The following AANAT variants were observed in gnomAD, a reference collection of about 807,000 sequenced individuals.
AANAT encodes the protein serotonin N-acetyltransferase.
Under a neutral mutation model 15.6 loss-of-function variants are expected in AANAT, and 11 were observed. The ratio of observed to expected loss-of-function variants is 0.71; its 90% CI spans 0.44 to 1.17. AANAT has a LOEUF of 1.17. Ranked by LOEUF, AANAT falls within the 50% of genes most tolerant of loss-of-function variation. The pLI, the probability that AANAT is intolerant of heterozygous loss-of-function variation, is 0.00. For missense variants in AANAT, 286 were observed against 296.3 expected, an observed-to-expected ratio of 0.97 and a Z score of 0.26; for synonymous variants, 139 against 131.5, an observed-to-expected ratio of 1.06 and a Z score of -0.39.
upstream of AANAT, among the ~76,000 whole-genome samples, chr17:76,464,691 C>A (rs2073420207): frequency 6.6e-6 from 1 of 151,910 alleles, no homozygotes. Context: ...GCATGAGCCA[C>A]GACGTCAAGC....
chr17:76,456,644 T>C (rs1355646546), intron 1 of AANAT, among the ~76,000 whole-genome samples: 3 of 152,198 alleles, frequency 2.0e-5, no homozygotes, highest in Non-Finnish European at 4.4e-5. Flanking sequence ...CCCTCTCCTG[T>C]AGAGACCTGG....
rs754020581 is a variant in AANAT at position 76,469,365 on chromosome 17, C to A, written c.318+38C>A. On this transcript the variant is annotated intron_variant, in intron 3 of 3. Transcript: ENST00000392492. This position sits in a 1 kb window ranked among gnomAD's most constrained non-coding sequence, Gnocchi z 5.2. ...CTGCGACGCCCAGCTCCAGGGAGGC[C>A]TCTGAAGACAGAGGTCAGCCAGATG... 4 of 1,610,888 alleles carry A rather than the reference C, an allele frequency of 2.5e-6. No homozygotes were observed. The highest frequency in any genetic ancestry group is 3.4e-6 in the Non-Finnish European group (4 of 1,178,774).
upstream of AANAT, among the ~76,000 whole-genome samples, chr17:76,465,510 AT>A (rs2073428795): frequency 6.6e-6 from 1 of 151,466 alleles, no homozygotes; most frequent in Non-Finnish European, 1.5e-5. Context: ...TGATTTTTAA[AT>A]TTTTTGTAGA....
chr17:76,463,598 G>C (rs60337156), upstream of AANAT, among the ~76,000 whole-genome samples: 5,946 of 152,054 alleles, frequency 0.039, 123 homozygotes, highest in Non-Finnish European at 0.05. Flanking sequence ...GTGAGCCACC[G>C]TGCCCGGCCT....
Position 76,469,558 on chromosome 17 carries a change from TGACCACAGGCACCCAGGG to T in AANAT, c.319-103_319-86del, listed in dbSNP as rs1300531373. The T allele has an allele frequency of 7.5e-7, 1 of 1,330,808 alleles. No individual in the cohort carries two copies. The highest frequency in any genetic ancestry group is 9.9e-7 in the Non-Finnish European group (1 of 1,006,176). The allele number at this position is 1,330,808 out of a possible 1,614,324, so 82.4% of individuals were successfully genotyped here. On this transcript the variant is annotated intron_variant, in intron 3 of 3. Coordinates refer to ENST00000392492, the MANE Select transcript of AANAT (RefSeq NM_001088.3). The surrounding 1 kb of genome is among the most constrained non-coding windows in gnomAD (Gnocchi z 5.2). The stretch of plus-strand genomic sequence containing the variant: ...CCCTCCTTTGCTGGGGTGGGTGCCC[TGACCACAGGCACCCAGGG>T]GACACCTGCTCCCTGCCTGGGTTGG...
chr17:76,468,826 A>G lies in AANAT; in HGVS notation c.80A>G (p.Gln27Arg). The change falls in exon 2 of 4, where the codon CAG becomes CGG. Residue 27 changes from glutamine (Q) to arginine (R), a missense_variant. By Grantham distance (43) the Gln-to-Arg change is conservative. Coordinates refer to ENST00000392492, the MANE Select transcript of AANAT (RefSeq NM_001088.3). Reference sequence around the variant, plus strand: ...GGGATCCCCGAGTCCCCGAGCTGTCAGCGGCGCCACACACTCCCTGCCAGT... The same window carrying G: ...GGGATCCCCGAGTCCCCGAGCTGTCGGCGGCGCCACACACTCCCTGCCAGT... ...PPGIPESPSCQRRHTLPASEF... is the reference protein window; with the variant it reads ...PPGIPESPSCRRRHTLPASEF... 1.2e-6 allele frequency: 2 copies of G among 1,613,526 alleles called. No individual in the cohort carries two copies. Among genetic ancestry groups the G allele is most frequent in the Non-Finnish European group, 1.7e-6 (2 of 1,179,958 alleles).
rs150357567 is a variant in AANAT, at chr17:76,469,729, G to A, written c.383G>A (p.Arg128His). Residue 128 changes from arginine to histidine, a missense_variant, in exon 4 of 4, where the codon CGC becomes CAC. Transcript: ENST00000392492. The surrounding 1 kb of genome is among the most constrained non-coding windows in gnomAD (Gnocchi z 5.2). ...CACCTGCATGTGCTGGCCGTGCACC[G>A]CGCCTTCCGGCAGCAGGGCAGGGGC... Reference protein sequence around the residue: ...IAHLHVLAVHRAFRQQGRGPI... With the variant: ...IAHLHVLAVHHAFRQQGRGPI... 107 of 1,553,430 alleles carry A rather than the reference G, an allele frequency of 6.9e-5. No homozygotes were observed. The African/African-American group carries it at 1.0e-3, about 15-fold the overall frequency.
At chr17:76,464,861 T>C (rs1008598667), upstream of AANAT, among the ~76,000 whole-genome samples, 3 of 151,712 alleles carry the variant, frequency 2.0e-5, no homozygotes, top group African/African-American at 7.3e-5. Flanking sequence ...AATGGCACGA[T>C]CTTGGCTCAC....
In AANAT at chr17:76,469,670, A is replaced by C; in HGVS notation, c.324A>C (p.Ser108=). 1 of 1,488,056 alleles carries C rather than the reference A, an allele frequency of 6.7e-7. No homozygotes were observed. Among genetic ancestry groups the C allele is most frequent in the Non-Finnish European group, 8.9e-7 (1 of 1,120,436 alleles). 92.2% of individuals were successfully genotyped at this position (1,488,056 alleles called of 1,614,324 possible). A position where few individuals can be genotyped will look rare whatever the true frequency, so the allele number is the denominator to read the frequency against. Residue 108 remains serine (S), a synonymous_variant, in exon 4 of 4, where the codon TCA becomes TCC. Transcript: ENST00000392492. This position sits in a 1 kb window ranked among gnomAD's most constrained non-coding sequence, Gnocchi z 5.2. ...CATCCCTTGCTCGCTCCCAGGAGTC[A>C]CTGACGCTGCACAGGTCTGGGGGCC... ...LWDKERLMQE[S]LTLHRSGGHI...
chr17:76,456,286 G>A (rs1352956800), intron 1 of AANAT, among the ~76,000 whole-genome samples: 7 of 148,996 alleles, frequency 4.7e-5, no homozygotes, highest in Non-Finnish European at 7.4e-5. Context: ...AGCCAAGATC[G>A]AGCCATTGAA....
chr17:76,468,966 G>A, intron 2 of AANAT, 57 bp downstream of exon 2: 1 of 1,568,100 alleles, frequency 6.4e-7, no homozygotes, highest in Admixed American at 1.7e-5. Context: ...GTTATCCTGT[G>A]GGGAGGAGAC....
chr17:76,460,130 A>ATTTTTTTTTTTTTTTTT lies in AANAT; in HGVS notation c.-456+784_-456+800dup, dbSNP rs556197358. Among the ~76,000 whole-genome samples the ATTTTTTTTTTTTTTTTT allele has an allele frequency of 8.0e-5, 7 of 88,012 alleles. 1 individual carries two copies. The highest frequency in any genetic ancestry group is 8.8e-4 in the East Asian group (2 of 2,274). 57.7% of individuals were successfully genotyped at this position (88,012 alleles called of 152,430 possible). The stretch of plus-strand genomic sequence containing the variant: ...CAGCCTCAGTCACCTACTTCAGGAA[A>ATTTTTTTTTTTTTTTTT]TTTTTTTTTTTTTTTTTTTTTTTTT... On this transcript the variant is annotated intron_variant, in intron 2 of 6. Transcript: ENST00000250615.
At chr17:76,460,075 T>A (rs2073372522) in intron 2 of AANAT, among the ~76,000 whole-genome samples, 1 of 144,938 alleles carries the variant, frequency 6.9e-6, no homozygotes, top group East Asian at 2.2e-4. Flanking sequence ...CCCTTCCCCC[T>A]CTGCATCCAG....
At chr17:76,459,495 T>C (rs987026880) in intron 2 of AANAT, 1 of 152,260 alleles carries the variant, frequency 6.6e-6, no homozygotes, top group Non-Finnish European at 1.5e-5. Context: ...ACTCTTAAGC[T>C]CTACATGCAA....
intron 2 of AANAT, among the ~76,000 whole-genome samples, chr17:76,459,563 C>T (rs2073368097): frequency 6.6e-6 from 1 of 152,178 alleles, no homozygotes; most frequent in African/African-American, 2.4e-5. Context: ...TCCAGAGCTG[C>T]CCCACCAGGG....
chr17:76,466,288 G>A, upstream of AANAT: 5 of 1,449,476 alleles, frequency 3.4e-6, no homozygotes, highest in South Asian at 6.5e-5. Context: ...CAAGCCCAAG[G>A]AGGTCTCTGG....
At chr17:76,455,323 C>T (rs1451925292) in intron 1 of AANAT, among the ~76,000 whole-genome samples, 5 of 151,902 alleles carry the variant, frequency 3.3e-5, no homozygotes, top group South Asian at 2.1e-4. Context: ...AGGTGGCAGG[C>T]GCCTGTAATT....
At position 76,470,004 on chromosome 17, in the gene AANAT, C is replaced by T. The variant is rs1188094514; in HGVS notation, c.*34C>T. ...GCCCACCTGGCTGCCAACATGATCC[C>T]CGTCTCTGCCCTGGGCTCCTCTTAG... On this transcript the variant is annotated 3_prime_UTR_variant, in exon 4 of 4. Transcript: ENST00000392492. 1.0e-5 allele frequency: 15 copies of T among 1,447,854 alleles called. No homozygotes were observed. The highest frequency in any genetic ancestry group is 1.4e-5 in the Non-Finnish European group (15 of 1,096,316). 89.7% of individuals were successfully genotyped at this position (1,447,854 alleles called of 1,614,324 possible).
rs975555276 is a variant in AANAT, at chr17:76,469,918, T to G, written c.572T>G (p.Leu191Arg). ...ITVGSLTFME[L>R]HCSLRGHPFL... ...GTGGGCTCCCTCACCTTCATGGAGC[T>G]CCACTGCTCCCTGCGGGGCCACCCC... is the stretch of plus-strand genomic sequence containing the variant. The change falls in exon 4 of 4, where the codon CTC becomes CGC. Residue 191 changes from leucine (L) to arginine (R), a missense_variant. Coordinates refer to ENST00000392492, the MANE Select transcript of AANAT (RefSeq NM_001088.3). The surrounding 1 kb of genome is among the most constrained non-coding windows in gnomAD (Gnocchi z 5.2). The G allele has an allele frequency of 6.4e-7, 1 of 1,561,274 alleles. No individual in the cohort carries two copies. The highest frequency in any genetic ancestry group is 8.7e-7 in the Non-Finnish European group (1 of 1,153,952).
Sources: gnomAD v4.1 joint callset for allele counts (sites outside exome capture counted in the v4.1 genomes callset) on GRCh38, gnomAD v4.1.1 for gene constraint, Gnocchi (gnomAD v3.1) non-coding constraint, MANE v1.5 for transcripts, NCBI Gene and HGNC (gene_info 2026-07-23, HGNC 2026-07-21) for gene names.